Variants in CDC45 observed in about 807,000 individuals in gnomAD.
CDC45 encodes cell division control protein 45 homolog.
A neutral mutation model predicts 77.8 loss-of-function variants in CDC45; 54 were observed. That is an observed-to-expected ratio of 0.69 (90% confidence interval 0.56 to 0.87). The LOEUF is 0.87. CDC45 is among the 40% of genes least tolerant of loss of function. The probability of loss-of-function intolerance (pLI) is 0.00; values close to 1 mark genes in which losing one functional copy is unlikely to be tolerated. For synonymous variants in CDC45, 260 were observed against 272.1 expected (o/e 0.96, Z 0.44); for missense variants, 649 against 721.6 (o/e 0.90, Z 1.15).
rs13447283 is a variant in CDC45 at position 19,517,136 on chromosome 22, C to T, written c.1636+243C>T. Reference sequence around the variant, plus strand: ...TGGCCTGGCTGTGGCCTTACAGCGGCCTTACAGCCAGTGCTAAGGATCACT... The same window carrying T: ...TGGCCTGGCTGTGGCCTTACAGCGGTCTTACAGCCAGTGCTAAGGATCACT... On this transcript the variant is annotated intron_variant, in intron 17 of 18. Coordinates refer to ENST00000263201, the MANE Select transcript of CDC45 (RefSeq NM_003504.5). Among the ~76,000 whole-genome samples, 25 of 152,368 alleles carry T rather than the reference C, an allele frequency of 1.6e-4. 1 individual carries two copies. The highest frequency in any genetic ancestry group is 6.8e-3 in the Middle Eastern group (2 of 294).
In CDC45 at chr22:19,501,749, C is replaced by G. The variant is rs958804558; in HGVS notation, c.704+2598C>G. Among the ~76,000 whole-genome samples the G allele has an allele frequency of 5.3e-5, 8 of 152,264 alleles. No homozygotes were observed. The East Asian group carries it at 1.2e-3, about 22-fold the overall frequency. ...TCTTTTTTTGAAATGGGGTCTTGCT[C>G]TGTCTCACAGGCTGGAGTGTGTTGG... On this transcript the variant is annotated intron_variant, in intron 9 of 18. Coordinates refer to ENST00000263201, the MANE Select transcript of CDC45 (RefSeq NM_003504.5).
intron 12 of CDC45, 114 bp from the exon 13 acceptor site, chr22:19,508,416 T>C: frequency 9.2e-7 from 1 of 1,086,768 alleles, no homozygotes; most frequent in Non-Finnish European, 1.4e-6. Context: ...AGCATGGCTG[T>C]GCTGGAAGCA....
At chr22:19,507,928 A>C in intron 12 of CDC45, 64 bp downstream of exon 12, 2 of 1,110,192 alleles carry the variant, frequency 1.8e-6, no homozygotes, top group Non-Finnish European at 2.7e-6. Context: ...GAAGGGTTCT[A>C]CTTTAACTGT....
At position 19,516,864 on chromosome 22, in the gene CDC45, G is replaced by A. The variant is rs1284753021; in HGVS notation, c.1607G>A (p.Arg536Gln). The A allele has an allele frequency of 7.4e-6, 12 of 1,613,922 alleles. No individual in the cohort carries two copies. Among genetic ancestry groups the A allele is most frequent in the East Asian group, 6.7e-5 (3 of 44,892 alleles). ...AAGGCAGCGGAAAGCACCAGCTCCCGGATGCTGCACAACCATTTTGACCTC... is the reference window on the plus strand; with the variant it reads ...AAGGCAGCGGAAAGCACCAGCTCCCAGATGCTGCACAACCATTTTGACCTC... ...FEKAAESTSS[R>Q]MLHNHFDLSV... is the part of the protein sequence containing the mutation. Residue 536 changes from arginine (R) to glutamine (Q), a missense_variant, in exon 17 of 19, where the codon CGG becomes CAG. Arg to Gln is a conservative substitution (Grantham distance 43, BLOSUM62 1). Transcript: ENST00000263201.
chr22:19,493,092 A>G (rs2090177554), intron 5 of CDC45, among the ~76,000 whole-genome samples: 1 of 151,738 alleles, frequency 6.6e-6, no homozygotes, highest in Admixed American at 6.6e-5. Flanking sequence ...CTAGGCTCCC[A>G]CTGGGCCTTT....
chr22:19,508,701 G>C lies in CDC45; in HGVS notation c.1217+10G>C. ...TGGACAGCCTCTCCAGGTAGCAGGA[G>C]GGCTGTGGGTTTGCCTCATGGGGCC... On this transcript the variant is annotated intron_variant, in intron 13 of 18. Transcript: ENST00000263201. 1 of 1,612,960 alleles carries C rather than the reference G, an allele frequency of 6.2e-7. No individual in the cohort carries two copies. Among genetic ancestry groups the C allele is most frequent in the Non-Finnish European group, 8.5e-7 (1 of 1,179,340 alleles).
chr22:19,490,563 A>G (rs1199502599), intron 5 of CDC45, among the ~76,000 whole-genome samples: 2 of 151,662 alleles, frequency 1.3e-5, no homozygotes, highest in Non-Finnish European at 2.9e-5. Flanking sequence ...TTTAGTAGAG[A>G]TGGGGTTTCA....
At chr22:19,490,645 G>C (rs1413933001) in intron 5 of CDC45, among the ~76,000 whole-genome samples, 3 of 151,976 alleles carry the variant, frequency 2.0e-5, no homozygotes, top group Admixed American at 2.0e-4. Flanking sequence ...CAAAGTGCTG[G>C]GATTACAGCC....
Position 19,482,810 on chromosome 22 carries a change from G to GTATA in CDC45, c.326_329dup (p.Asn111IlefsTer11), listed in dbSNP as rs752023208. On this transcript the variant is annotated frameshift_variant, in exon 4 of 19. Coordinates refer to ENST00000263201, the MANE Select transcript of CDC45 (RefSeq NM_003504.5). LOFTEE classifies it high-confidence loss of function. ...CCATAGGCCAGTCAATGTCGTCAAT[G>GTATA]TATACAACGATACCCAGGTACTTTT... The GTATA allele has an allele frequency of 5.6e-6, 9 of 1,614,074 alleles. No homozygotes were observed. The East Asian group carries it at 2.0e-4, about 36-fold the overall frequency.
intron 5 of CDC45, among the ~76,000 whole-genome samples, chr22:19,484,956 C>G (rs914943349): frequency 6.6e-6 from 1 of 151,048 alleles, no homozygotes; most frequent in Admixed American, 6.6e-5. Context: ...TGTTTTTTCC[C>G]CAGACGGGGT....
intron 4 of CDC45, 108 bp from the exon 5 acceptor site, chr22:19,483,754 G>A (rs750632419): frequency 7.2e-6 from 8 of 1,107,254 alleles, no homozygotes; most frequent in Non-Finnish European, 1.1e-5. Context: ...TGTATGAACA[G>A]GAAACTGAGT....
chr22:19,515,119 G>A (rs1403106749), intron 15 of CDC45, 71 bp downstream of exon 15: 15 of 1,411,268 alleles, frequency 1.1e-5, no homozygotes, highest in Non-Finnish European at 1.3e-5. Flanking sequence ...TGGGGAGTTA[G>A]ATGCTGGCCT....
At chr22:19,481,695 G>A (rs1198213589) in intron 3 of CDC45, among the ~76,000 whole-genome samples, 1 of 151,740 alleles carries the variant, frequency 6.6e-6, no homozygotes, top group Non-Finnish European at 1.5e-5. Flanking sequence ...TTTTTGAGAC[G>A]GAACCTCGCT....
At chr22:19,500,593 C>T (rs1325714328) in intron 9 of CDC45, among the ~76,000 whole-genome samples, 3 of 152,156 alleles carry the variant, frequency 2.0e-5, no homozygotes, top group Non-Finnish European at 4.4e-5. Context: ...ACTGACTGAG[C>T]TGCTCCGAAG....
chr22:19,516,486 G>T, intron 15 of CDC45, 41 bp from the exon 16 acceptor site: 1 of 1,515,156 alleles, frequency 6.6e-7, no homozygotes, highest in Middle Eastern at 1.7e-4. Context: ...TTGAGCTGGG[G>T]CCCACCATAC....
At chr22:19,514,462 T>C (rs1933670842) in intron 13 of CDC45, among the ~76,000 whole-genome samples, 1 of 152,212 alleles carries the variant, frequency 6.6e-6, no homozygotes, top group African/African-American at 2.4e-5. Context: ...AAGCCTCCCC[T>C]GTGTCAGAGT....
intron 5 of CDC45, among the ~76,000 whole-genome samples, chr22:19,487,739 C>T (rs972708547): frequency 6.6e-6 from 1 of 151,528 alleles, no homozygotes; most frequent in African/African-American, 2.4e-5. Context: ...GGTGAAACCC[C>T]ATCTCTACTA....
At chr22:19,479,578 G>T, upstream of CDC45, 1 of 584,472 alleles carries the variant, frequency 1.7e-6, no homozygotes, top group Non-Finnish European at 3.3e-6. Context: ...TTGGGTATGT[G>T]ACTGAGTTTA....
At chr22:19,487,625 T>C (rs2090090887) in intron 5 of CDC45, among the ~76,000 whole-genome samples, 1 of 152,046 alleles carries the variant, frequency 6.6e-6, no homozygotes, top group Non-Finnish European at 1.5e-5. Flanking sequence ...TAAGGAGTTC[T>C]GCTATAGGCC....
Sources: gnomAD v4.1 joint callset for allele counts (sites outside exome capture counted in the v4.1 genomes callset) on GRCh38, gnomAD v4.1.1 for gene constraint, MANE v1.5 for transcripts, NCBI Gene and HGNC (gene_info 2026-07-23, HGNC 2026-07-21) for gene names.